Variants in MPDU1 observed in about 807,000 individuals in gnomAD.
MPDU1 encodes the protein mannose-P-dolichol utilization defect 1 protein.
In MPDU1, 18 loss-of-function variants were observed where a neutral mutation model predicts 27.6. The observed-to-expected ratio is 0.65, with a 90% confidence interval of 0.45 to 0.97. The LOEUF (loss-of-function observed/expected upper bound fraction) is 0.97, where lower values mean the gene tolerates loss of function less well. MPDU1 is among the 50% of genes least tolerant of loss of function. MPDU1 has a pLI of 0.00. For missense variants in MPDU1, 279 were observed against 297.4 expected (o/e 0.94, Z 0.46); for synonymous variants, 142 against 131.1 (o/e 1.08, Z -0.57).
At chr17:7,586,490 A>G in intron 3 of MPDU1, 1 of 651,788 alleles carries the variant, frequency 1.5e-6, no homozygotes, top group South Asian at 1.7e-5. Flanking sequence ...GCCCTTTTAG[A>G]AACCTAATCA....
At position 7,587,317 on chromosome 17, in the gene MPDU1, A is replaced by T. The variant is rs778738450; in HGVS notation, c.618+46A>T. On this transcript the variant is annotated intron_variant, in intron 6 of 6. Coordinates refer to ENST00000250124, the MANE Select transcript of MPDU1 (RefSeq NM_004870.4). ...CTAGAAGGCACTAAAACCTCGTCTT[A>T]CTTCTCCCAGCTAAGGGCCAAAGCT... is the stretch of plus-strand genomic sequence containing the variant. 3.1e-6 allele frequency: 5 copies of T among 1,612,406 alleles called. No individual in the cohort carries two copies. In the Admixed American group the frequency reaches 6.7e-5, roughly 22 times the overall value.
intron 1 of MPDU1, chr17:7,584,321 T>C (rs1331255442): frequency 3.9e-6 from 2 of 519,082 alleles, no homozygotes; most frequent in Admixed American, 7.1e-5. Flanking sequence ...GAATCGGGCC[T>C]TCATTGCACC....
intron 1 of MPDU1, 125 bp from the exon 2 acceptor site, chr17:7,585,607 C>A: frequency 2.3e-6 from 2 of 876,300 alleles, no homozygotes; most frequent in Non-Finnish European, 3.8e-6. Context: ...TCCGCCTCTC[C>A]TCCCCCCAAG....
At chr17:7,586,805 T>C in intron 4 of MPDU1, 28 bp downstream of exon 4, 1 of 1,612,782 alleles carries the variant, frequency 6.2e-7, no homozygotes, top group Non-Finnish European at 8.5e-7. Context: ...AAGAGCAGGC[T>C]GTGTGGTTCC....
chr17:7,584,785 C>G (rs2071553304), intron 1 of MPDU1, among the ~76,000 whole-genome samples: 1 of 151,900 alleles, frequency 6.6e-6, no homozygotes, highest in Non-Finnish European at 1.5e-5. Context: ...TGAGGTCAGG[C>G]GTTCGAGACC....
intron 1 of MPDU1, 42 bp downstream of exon 1, chr17:7,584,007 ACCGTGGGC>A (rs748404636): frequency 1.3e-6 from 2 of 1,581,278 alleles, no homozygotes; most frequent in Non-Finnish European, 1.7e-6. Context: ...TACTCGAGTG[ACCGTGGGC>A]CCTTAGTCCA....
In MPDU1 at chr17:7,587,684, T is replaced by C; in HGVS notation, c.*133T>C. 1 of 1,313,164 alleles carries C rather than the reference T, an allele frequency of 7.6e-7. No individual in the cohort carries two copies. 81.3% of individuals were successfully genotyped at this position (1,313,164 alleles called of 1,614,324 possible). On this transcript the variant is annotated 3_prime_UTR_variant, in exon 7 of 7. Coordinates refer to ENST00000250124, the MANE Select transcript of MPDU1 (RefSeq NM_004870.4). Reference sequence around the variant, plus strand: ...CTTGCAGACTTTCTGAGCCAGGGTTTTCTTTTAGTGGAAACAAATGGTTGA... The same window carrying C: ...CTTGCAGACTTTCTGAGCCAGGGTTCTCTTTTAGTGGAAACAAATGGTTGA...
chr17:7,585,221 G>C (rs947138791), intron 1 of MPDU1, among the ~76,000 whole-genome samples: 2 of 152,028 alleles, frequency 1.3e-5, no homozygotes, highest in African/African-American at 4.8e-5. Context: ...GGTAGGCATC[G>C]GAGAAAAGCT....
rs2071577068 is a variant in MPDU1 at position 7,586,014 on chromosome 17, A to G, written c.238A>G (p.Met80Val). 1 of 1,613,978 alleles carries G rather than the reference A, an allele frequency of 6.2e-7. No homozygotes were observed. Among genetic ancestry groups the G allele is most frequent in the Admixed American group, 1.7e-5 (1 of 59,996 alleles). Reference protein sequence around the residue: ...SAEGLSLQSVMLELVALTGTM... With the variant: ...SAEGLSLQSVVLELVALTGTM... ...TGAAGGGTTGAGTCTCCAGTCTGTA[A>G]TGCTGGAGCTAGTGGCATTGACTGG... Residue 80 changes from methionine (M) to valine (V), a missense_variant, in exon 3 of 7, where the codon ATG becomes GTG. By Grantham distance (21) the Met-to-Val change is conservative (BLOSUM62 1). Transcript: ENST00000250124.
rs1191976207 is a variant in MPDU1, at chr17:7,587,554, C to T, written c.*3C>T. On this transcript the variant is annotated 3_prime_UTR_variant, in exon 7 of 7. Transcript: ENST00000250124. ...ACAAGCAGAAAAAGGCGCAGTAGAG[C>T]CAGCTACTGGAGTCATTCCGTTTCC... The T allele has an allele frequency of 2.5e-6, 4 of 1,613,626 alleles. No individual in the cohort carries two copies. In the Admixed American group the frequency reaches 5.0e-5, roughly 20 times the overall value.
intron 4 of MPDU1, 47 bp from the exon 5 acceptor site, chr17:7,586,852 A>T: frequency 6.2e-7 from 1 of 1,612,142 alleles, no homozygotes; most frequent in Non-Finnish European, 8.5e-7. Context: ...TGGGAAAGCC[A>T]AATGATGTGG....
chr17:7,587,310 T>C, intron 6 of MPDU1, 39 bp downstream of exon 6: 1 of 1,612,774 alleles, frequency 6.2e-7, no homozygotes, highest in African/African-American at 1.3e-5. Context: ...CACTAAAACC[T>C]CGTCTTACTT....
At position 7,585,751 on chromosome 17, in the gene MPDU1, C is replaced by T. The variant is rs1305246763; in HGVS notation, c.123C>T (p.Leu41=). Residue 41 remains leucine, a synonymous_variant, in exon 2 of 7, where the codon CTC becomes CTT. Transcript: ENST00000250124. ...DLLHVPCLKI[L]LSKGLGLGIV... is the part of the protein sequence containing the mutation. ...CCTCAGTCCCCTGCCTCAAGATTCT[C>T]CTCAGCAAAGGCCTGGGGCTGGGCA... 2 of 1,614,000 alleles carry T rather than the reference C, an allele frequency of 1.2e-6. No homozygotes were observed. Among genetic ancestry groups the T allele is most frequent in the East Asian group, 2.2e-5 (1 of 44,902 alleles).
At position 7,587,444 on chromosome 17, in the gene MPDU1, A is replaced by G. The variant is rs1377685905; in HGVS notation, c.637A>G (p.Met213Val). 2 of 1,613,886 alleles carry G rather than the reference A, an allele frequency of 1.2e-6. No individual in the cohort carries two copies. Among genetic ancestry groups the G allele is most frequent in the Non-Finnish European group, 8.5e-7 (1 of 1,179,970 alleles). The change falls in exon 7 of 7, where the codon ATG becomes GTG. Residue 213 changes from methionine to valine, a missense_variant. Physicochemically the swap from Met to Val is conservative, Grantham distance 21. Transcript: ENST00000250124. ...TSIQETGDPLMAGTFVVSSLC... is the reference protein window; with the variant it reads ...TSIQETGDPLVAGTFVVSSLC... ...CAACCAGGAAACCGGAGATCCCCTG[A>G]TGGCTGGGACCTTTGTGGTCTCCTC... is the stretch of plus-strand genomic sequence containing the variant.
At chr17:7,583,748 C>G, upstream of MPDU1, 2 of 1,074,106 alleles carry the variant, frequency 1.9e-6, no homozygotes, top group Non-Finnish European at 1.4e-6. Flanking sequence ...GAGCGGGGCA[C>G]GGGGCGGGCC....
In MPDU1 at chr17:7,587,934, T is replaced by A. The variant is rs958680293; in HGVS notation, c.*383T>A. 7 of 481,066 alleles carry A rather than the reference T, an allele frequency of 1.5e-5. No individual in the cohort carries two copies. Among genetic ancestry groups the A allele is most frequent in the African/African-American group, 1.4e-4 (7 of 51,140 alleles). The allele number at this position is 481,066 out of a possible 1,614,324, so 29.8% of individuals were successfully genotyped here. A position where few individuals can be genotyped will look rare whatever the true frequency, so the allele number is the denominator to read the frequency against. ...TCCCTTCTGGCCCTGGAAGACTGAG[T>A]CTGGACGGCAGAGTGGAGGGACTGG... On this transcript the variant is annotated 3_prime_UTR_variant, in exon 7 of 7. Transcript: ENST00000250124.
rs768033568 is a variant in MPDU1, at chr17:7,587,276, G to A, written c.618+5G>A. On this transcript the variant is annotated splice_donor_5th_base_variant and intron_variant, in intron 6 of 6. Coordinates refer to ENST00000250124, the MANE Select transcript of MPDU1 (RefSeq NM_004870.4). Reference sequence around the variant, plus strand: ...CGAATCTTCACTTCCATTCAGGTGAGTGCAACATCTTCCTTCTAGAAGGCA... The same window carrying A: ...CGAATCTTCACTTCCATTCAGGTGAATGCAACATCTTCCTTCTAGAAGGCA... The A allele has an allele frequency of 2.5e-6, 4 of 1,613,768 alleles. No individual in the cohort carries two copies. Among genetic ancestry groups the A allele is most frequent in the East Asian group, 2.2e-5 (1 of 44,862 alleles).
In MPDU1 at chr17:7,586,980, T is replaced by A. The variant is rs765462241; in HGVS notation, c.470T>A (p.Leu157His). The change falls in exon 5 of 7, where the codon CTC becomes CAC. Residue 157 changes from leucine to histidine, a missense_variant. Transcript: ENST00000250124. The stretch of plus-strand genomic sequence containing the variant: ...ACGCCCTTGACTGTAGTCACCCTGC[T>A]CCAGGCCTCCAATGTGCCTGCTGTG... Reference protein sequence around the residue: ...PLTPLTVVTLLQASNVPAVVV... With the variant: ...PLTPLTVVTLHQASNVPAVVV... 3 of 1,583,986 alleles carry A rather than the reference T, an allele frequency of 1.9e-6. No homozygotes were observed. In the South Asian group the frequency reaches 3.3e-5, roughly 17 times the overall value.
rs1401918751 is a variant in MPDU1, at chr17:7,587,839, TAGCAGCA to T, written c.*290_*296del. 1.8e-6 allele frequency: 1 copy of T among 544,994 alleles called. No individual in the cohort carries two copies. Among genetic ancestry groups the T allele is most frequent in the South Asian group, 1.5e-5 (1 of 65,340 alleles). 33.8% of individuals were successfully genotyped at this position (544,994 alleles called of 1,614,324 possible). ...AGTCATTCAGCCAAGCCTCCTCCTC[TAGCAGCA>T]ATTTCCAGCTGTGTAACACTATCCT... On this transcript the variant is annotated 3_prime_UTR_variant, in exon 7 of 7. Coordinates refer to ENST00000250124, the MANE Select transcript of MPDU1 (RefSeq NM_004870.4).
Sources: gnomAD v4.1 joint callset for allele counts (sites outside exome capture counted in the v4.1 genomes callset) on GRCh38, gnomAD v4.1.1 for gene constraint, MANE v1.5 for transcripts, NCBI Gene and HGNC (gene_info 2026-07-23, HGNC 2026-07-21) for gene names.